Variants in DNAJC15 observed in about 807,000 individuals in gnomAD.
DNAJC15 encodes the protein DnaJ heat shock protein family (Hsp40) member C15.
A neutral mutation model predicts 22.4 loss-of-function variants in DNAJC15; 27 were observed. The ratio of observed to expected loss-of-function variants is 1.20; its 90% CI spans 0.89 to 1.66. The LOEUF is 1.66. DNAJC15 is among the 40% of genes most tolerant of loss of function. The pLI is 0.00. For missense variants in DNAJC15, 208 were observed against 187.1 expected (o/e 1.11, Z -0.65); for synonymous variants, 79 against 63.2 (o/e 1.25, Z -1.19).
chr13:43,040,122 T>C (rs1012782108), intron 1 of DNAJC15, among the ~76,000 whole-genome samples: 2 of 152,180 alleles, frequency 1.3e-5, no homozygotes, highest in African/African-American at 4.8e-5. Flanking sequence ...AAATGAACCT[T>C]GAGCTGCCTA....
At chr13:43,041,165 C>T (rs1200266773) in intron 1 of DNAJC15, among the ~76,000 whole-genome samples, 1 of 152,154 alleles carries the variant, frequency 6.6e-6, no homozygotes, top group Non-Finnish European at 1.5e-5. Flanking sequence ...TGGGGAGAAA[C>T]CTTGGACGAT....
chr13:43,088,340 A>T (rs551894725), intron 5 of DNAJC15, among the ~76,000 whole-genome samples: 3 of 152,326 alleles, frequency 2.0e-5, no homozygotes, highest in African/African-American at 7.2e-5. Flanking sequence ...GATCTAATCA[A>T]TGCTGCCTCC....
intron 2 of DNAJC15, among the ~76,000 whole-genome samples, chr13:43,068,370 G>A (rs1273464451): frequency 6.6e-6 from 1 of 152,080 alleles, no homozygotes; most frequent in African/African-American, 2.4e-5. Flanking sequence ...TTCAGAGAGA[G>A]TAGCCATCCT....
chr13:43,038,801 GAA>G (rs562632739), intron 1 of DNAJC15, among the ~76,000 whole-genome samples: 28,601 of 107,138 alleles, frequency 0.27, 3,079 homozygotes, highest in South Asian at 0.44. Flanking sequence ...CAAAAAATAG[GAA>G]AAAAAAAAAA....
intron 5 of DNAJC15, among the ~76,000 whole-genome samples, chr13:43,091,574 AT>A (rs2040715303): frequency 6.6e-6 from 1 of 152,182 alleles, no homozygotes; most frequent in African/African-American, 2.4e-5. Flanking sequence ...GTTAAGCCAC[AT>A]TTTTATTCCC....
At chr13:43,056,213 G>A (rs1032120736) in intron 1 of DNAJC15, among the ~76,000 whole-genome samples, 2 of 150,688 alleles carry the variant, frequency 1.3e-5, no homozygotes, top group Non-Finnish European at 2.9e-5. Context: ...GTGCAATAGT[G>A]CAATCTCAGC....
intron 1 of DNAJC15, among the ~76,000 whole-genome samples, chr13:43,030,586 A>G (rs1395519117): frequency 6.6e-6 from 1 of 152,224 alleles, no homozygotes; most frequent in African/African-American, 2.4e-5. Context: ...TCATTTATTT[A>G]TTCATCCATT....
chr13:43,059,843 G>GT (rs773242405), intron 1 of DNAJC15, among the ~76,000 whole-genome samples: 1 of 152,178 alleles, frequency 6.6e-6, no homozygotes, highest in Non-Finnish European at 1.5e-5. Flanking sequence ...TAGGAGCAAT[G>GT]TTTCGCGGGC....
chr13:43,066,294 C>T (rs1201912481), intron 2 of DNAJC15, among the ~76,000 whole-genome samples: 1 of 151,900 alleles, frequency 6.6e-6, no homozygotes, highest in Non-Finnish European at 1.5e-5. Flanking sequence ...GTGCCCCTTC[C>T]AGAGGCTCTG....
rs1056393362 is a variant in DNAJC15 at position 43,043,935 on chromosome 13, G to A, written c.108+20201G>A. ...ATGTAGATTGGTTCAATTTAGATAT[G>A]AAAGTCTGAAATTTATATTGGCTTG... On this transcript the variant is annotated intron_variant, in intron 1 of 5. Transcript: ENST00000379221. Among the ~76,000 whole-genome samples the A allele has an allele frequency of 1.1e-4, 16 of 152,212 alleles. No individual in the cohort carries two copies. In the East Asian group the frequency reaches 2.7e-3, roughly 26 times the overall value.
chr13:43,033,801 G>C, intron 1 of DNAJC15, among the ~76,000 whole-genome samples: 1 of 152,048 alleles, frequency 6.6e-6, no homozygotes, highest in Non-Finnish European at 1.5e-5. Context: ...GGCCAAGGTG[G>C]GTAGATAACT....
intron 1 of DNAJC15, among the ~76,000 whole-genome samples, chr13:43,059,112 G>T (rs931329455): frequency 2.6e-5 from 4 of 152,164 alleles, no homozygotes; most frequent in African/African-American, 9.7e-5. Context: ...GCACGTCCGA[G>T]TGGGAGCTGG....
chr13:43,102,008 A>C (rs1377720640), intron 5 of DNAJC15, among the ~76,000 whole-genome samples: 1 of 152,026 alleles, frequency 6.6e-6, no homozygotes, highest in African/African-American at 2.4e-5. Flanking sequence ...TCTACATACT[A>C]TTTTCCGTAG....
intron 1 of DNAJC15, among the ~76,000 whole-genome samples, chr13:43,037,020 T>C (rs1256385361): frequency 6.6e-6 from 1 of 152,142 alleles, no homozygotes; most frequent in Non-Finnish European, 1.5e-5. Flanking sequence ...CTGGGAGCAC[T>C]GGCTCCTACC....
chr13:43,038,476 A>T (rs1471227470), intron 1 of DNAJC15, among the ~76,000 whole-genome samples: 1 of 152,204 alleles, frequency 6.6e-6, no homozygotes, highest in Non-Finnish European at 1.5e-5. Context: ...CCATTTTTGT[A>T]TTAAACATAG....
intron 5 of DNAJC15, among the ~76,000 whole-genome samples, chr13:43,102,391 C>G (rs2040773582): frequency 6.6e-6 from 1 of 152,010 alleles, no homozygotes; most frequent in African/African-American, 2.4e-5. Flanking sequence ...TCTGTTTATT[C>G]TGCTGATTAT....
intron 2 of DNAJC15, among the ~76,000 whole-genome samples, chr13:43,068,052 G>C (rs967704616): frequency 1.3e-5 from 2 of 152,104 alleles, no homozygotes; most frequent in African/African-American, 4.8e-5. Context: ...TTCTAAAACA[G>C]TATACATAGG....
intron 1 of DNAJC15, among the ~76,000 whole-genome samples, chr13:43,026,006 CAT>C (rs1491191006): frequency 6.6e-6 from 1 of 152,224 alleles, no homozygotes; most frequent in Non-Finnish European, 1.5e-5. Flanking sequence ...TAGTTGCTGT[CAT>C]ATTACACCAA....
intron 5 of DNAJC15, among the ~76,000 whole-genome samples, chr13:43,089,415 T>C (rs1017008380): frequency 6.6e-6 from 1 of 152,164 alleles, no homozygotes; most frequent in African/African-American, 2.4e-5. Context: ...TGAGCCAAGA[T>C]ATAAAACACA....
Sources: allele counts gnomAD v4.1 joint callset (sites outside exome capture counted in the v4.1 genomes callset), GRCh38; gene constraint gnomAD v4.1.1; transcripts MANE v1.5; gene names NCBI Gene and HGNC (gene_info 2026-07-23, HGNC 2026-07-21).